The following FMN1 variants were observed in gnomAD, a reference collection of about 807,000 sequenced individuals.
The protein encoded by FMN1 is formin 1, also known as formin-1.
A neutral mutation model predicts 132.4 loss-of-function variants in FMN1; 110 were observed. The observed-to-expected ratio is 0.83, with a 90% CI of 0.71 to 0.97. FMN1 has a LOEUF of 0.97. Among genes scored for constraint, FMN1 ranks in the 50% least tolerant of loss-of-function variants. The pLI is 0.00. For missense variants in FMN1, 1,792 were observed against 1,705.3 expected (o/e 1.05, Z -0.90); for synonymous variants, 722 against 651.7 (o/e 1.11, Z -1.64).
intron 8 of FMN1, 104 bp from the exon 9 acceptor site, chr15:32,964,361 A>G: frequency 6.2e-6 from 5 of 803,380 alleles, no homozygotes; most frequent in Non-Finnish European, 9.7e-6. Context: ...TTTTTCTAAA[A>G]AAACACATAA....
chr15:32,803,975 T>C (rs370716658), intron 18 of FMN1, among the ~76,000 whole-genome samples: 2 of 152,142 alleles, frequency 1.3e-5, no homozygotes, highest in East Asian at 3.9e-4. Flanking sequence ...GGGCCGAAAG[T>C]AGGGCTAGTC....
intron 6 of FMN1, among the ~76,000 whole-genome samples, chr15:33,009,951 A>G (rs777829779): frequency 1.3e-5 from 2 of 152,140 alleles, no homozygotes; most frequent in Non-Finnish European, 2.9e-5. Context: ...CAATGGCACG[A>G]TCTTGGCTCA....
At chr15:33,136,761 G>A (rs1488978176) in intron 4 of FMN1, among the ~76,000 whole-genome samples, 1 of 152,144 alleles carries the variant, frequency 6.6e-6, no homozygotes, top group Non-Finnish European at 1.5e-5. Flanking sequence ...CTGGAATGAG[G>A]TAGAACATAA....
chr15:33,099,850 G>A (rs1164284917), intron 4 of FMN1, among the ~76,000 whole-genome samples: 1 of 152,190 alleles, frequency 6.6e-6, no homozygotes, highest in Non-Finnish European at 1.5e-5. Flanking sequence ...TCCAAGCTTT[G>A]AGGTAGCATA....
At chr15:33,172,064 C>T (rs1323192115) in intron 3 of FMN1, among the ~76,000 whole-genome samples, 7 of 152,072 alleles carry the variant, frequency 4.6e-5, no homozygotes, top group Admixed American at 2.0e-4. Context: ...AAAAATTAGC[C>T]GGGCGTGGTG....
intron 4 of FMN1, among the ~76,000 whole-genome samples, chr15:33,111,500 G>C (rs910691896): frequency 3.3e-5 from 5 of 152,052 alleles, no homozygotes; most frequent in Non-Finnish European, 5.9e-5. Context: ...AAATATAAAA[G>C]CACATGTCCA....
rs73370876 is a variant in FMN1, at chr15:32,917,655, C to T, written c.3227-7120G>A. Among the ~76,000 whole-genome samples the T allele has an allele frequency of 2.9e-3, 442 of 152,280 alleles. 2 individuals carry two copies. Among genetic ancestry groups the T allele is most frequent in the African/African-American group, 0.01 (418 of 41,566 alleles). On this transcript the variant is annotated intron_variant, in intron 10 of 20. Coordinates refer to ENST00000616417, the MANE Select transcript of FMN1 (RefSeq NM_001277313.2). ...ACTGCTTGGTTTCCCAAGCTCAATT[C>T]GACAACCACCCCAACTATCCTCCAA...
intron 10 of FMN1, among the ~76,000 whole-genome samples, chr15:32,918,297 T>C (rs1419668934): frequency 1.3e-5 from 2 of 151,838 alleles, no homozygotes; most frequent in African/African-American, 4.8e-5. Context: ...AAAAGTTGCA[T>C]CCAAACAGAT....
Position 32,957,054 on chromosome 15 carries a change from TG to T in FMN1, c.3138+7052del, listed in dbSNP as rs199847826. The stretch of plus-strand genomic sequence containing the variant: ...CACAACCCCCTTCCCCCAAAGTGTT[TG>T]GGGAATAGCCATTATCTCATTAATT... On this transcript the variant is annotated intron_variant, in intron 9 of 20. Transcript: ENST00000616417. 8.0e-3 allele frequency among the ~76,000 whole-genome samples: 1,225 copies of T among 152,196 alleles called. 12 individuals carry two copies. Among genetic ancestry groups the T allele is most frequent in the Middle Eastern group, 0.014 (4 of 294 alleles).
intron 17 of FMN1, among the ~76,000 whole-genome samples, chr15:32,835,276 A>G (rs1272189449): frequency 1.3e-5 from 2 of 152,358 alleles, no homozygotes; most frequent in African/African-American, 4.8e-5. Flanking sequence ...CTGATTTTAA[A>G]TAAGAGGCAT....
intron 5 of FMN1, among the ~76,000 whole-genome samples, chr15:33,086,112 G>T (rs1028300802): frequency 3.3e-5 from 5 of 152,140 alleles, no homozygotes; most frequent in South Asian, 2.1e-4. Flanking sequence ...TTAGCTGGGC[G>T]TGGTGGCATG....
chr15:33,092,750 TAC>T (rs2038948177), intron 4 of FMN1, among the ~76,000 whole-genome samples: 1 of 152,218 alleles, frequency 6.6e-6, no homozygotes, highest in Admixed American at 6.5e-5. Flanking sequence ...AGTTGCCTCA[TAC>T]ACTATCATGT....
At chr15:33,170,824 A>C (rs757433470) in intron 3 of FMN1, among the ~76,000 whole-genome samples, 2 of 152,170 alleles carry the variant, frequency 1.3e-5, no homozygotes, top group Non-Finnish European at 2.9e-5. Context: ...GGATGAAGAT[A>C]TCTCAAAAAA....
At chr15:33,051,222 C>A (rs192923472) in intron 6 of FMN1, among the ~76,000 whole-genome samples, 200 of 152,264 alleles carry the variant, frequency 1.3e-3, no homozygotes, top group Non-Finnish European at 2.1e-3. Context: ...CTGCTTCCTT[C>A]TATCCTTCCT....
At chr15:32,874,509 G>A (rs1477950413) in intron 16 of FMN1, among the ~76,000 whole-genome samples, 1 of 152,140 alleles carries the variant, frequency 6.6e-6, no homozygotes, top group East Asian at 1.9e-4. Context: ...GTCAGGAAGG[G>A]CTTTGCAGAT....
chr15:32,962,105 T>TTTATTA lies in FMN1; in HGVS notation c.3138+1996_3138+2001dup, dbSNP rs10645453. On this transcript the variant is annotated intron_variant, in intron 9 of 20. Coordinates refer to ENST00000616417, the MANE Select transcript of FMN1 (RefSeq NM_001277313.2). ...TAATATAAGCTCCACAGGGCAAGGA[T>TTTATTA]TTATTATTATTATTATTATTATTAT... is the stretch of plus-strand genomic sequence containing the variant. Among the ~76,000 whole-genome samples, 310 of 150,860 alleles carry TTTATTA rather than the reference T, an allele frequency of 2.1e-3. 2 individuals are homozygous for TTTATTA. The highest frequency in any genetic ancestry group is 3.5e-3 in the African/African-American group (145 of 40,962).
intron 6 of FMN1, among the ~76,000 whole-genome samples, chr15:33,040,020 G>C (rs1303386040): frequency 6.6e-6 from 1 of 152,128 alleles, no homozygotes; most frequent in African/African-American, 2.4e-5. Context: ...ACAGTCCAAA[G>C]TGCTCAGCAT....
intron 4 of FMN1, among the ~76,000 whole-genome samples, chr15:33,096,092 G>A (rs2141389546): frequency 6.6e-6 from 1 of 151,746 alleles, no homozygotes; most frequent in African/African-American, 2.4e-5. Flanking sequence ...GGCTCTGAGT[G>A]TCCTTGCAAC....
chr15:32,882,715 T>C lies in FMN1; in HGVS notation c.3835+5457A>G, dbSNP rs549960912. 2.0e-5 allele frequency among the ~76,000 whole-genome samples: 3 copies of C among 152,276 alleles called. No homozygotes were observed. In the South Asian group the frequency reaches 6.2e-4, roughly 32 times the overall value. ...TTTAGTGTAAGTGTGTACCATGCAA[T>C]ATTTGAGATACACTTACATTTAAAA... On this transcript the variant is annotated intron_variant, in intron 16 of 20. Transcript: ENST00000616417.
Sources: gnomAD v4.1 joint callset for allele counts (sites outside exome capture counted in the v4.1 genomes callset) on GRCh38, gnomAD v4.1.1 for gene constraint, MANE v1.5 for transcripts, NCBI Gene and HGNC (gene_info 2026-07-23, HGNC 2026-07-21) for gene names.